Variants in SCN4B observed in about 807,000 individuals in gnomAD.
SCN4B encodes sodium voltage-gated channel beta subunit 4.
Under a neutral mutation model 19.6 loss-of-function variants are expected in SCN4B, and 20 were observed. That is an observed-to-expected ratio of 1.02 (90% confidence interval 0.72 to 1.48). SCN4B has a LOEUF of 1.48. SCN4B is among the 40% of genes most tolerant of loss of function. The pLI is 0.00. For missense variants in SCN4B, 271 were observed against 287.5 expected, an observed-to-expected ratio of 0.94 and a Z score of 0.42; for synonymous variants, 127 against 122.8, an observed-to-expected ratio of 1.03 and a Z score of -0.22.
intron 1 of SCN4B, among the ~76,000 whole-genome samples, chr11:118,151,892 C>G (rs772242077): frequency 6.6e-6 from 1 of 152,242 alleles, no homozygotes; most frequent in African/African-American, 2.4e-5. Context: ...CTTCTTCCTC[C>G]GTGTCCTCTG....
At chr11:118,144,730 C>T (rs1234101043) in intron 2 of SCN4B, among the ~76,000 whole-genome samples, 1 of 152,196 alleles carries the variant, frequency 6.6e-6, no homozygotes, top group East Asian at 1.9e-4. Context: ...TCTCTCCAAG[C>T]TTTCCAAGGC....
chr11:118,145,304 C>T, intron 1 of SCN4B, 75 bp from the exon 2 acceptor site: 1 of 1,602,618 alleles, frequency 6.2e-7, no homozygotes. Context: ...TTAGGCAGGG[C>T]GGAGTAGCTT....
rs1283178823 is a variant in SCN4B at position 118,137,045 on chromosome 11, T to A, written c.669A>T (p.Lys223Asn). ...GCAGGGCTCACACTTTTGAAGGTGG[T>A]TTCTCCTCTGCCTTGGAGCCAGGCA... ...NGLPGSKAEE[K>N]PPSKV Residue 223 changes from lysine to asparagine, a missense_variant, in exon 5 of 5, where the codon AAA (lysine) becomes AAT (asparagine). Coordinates refer to ENST00000324727, the MANE Select transcript of SCN4B (RefSeq NM_174934.4). 6.2e-7 allele frequency: 1 copy of A among 1,613,732 alleles called. No homozygotes were observed. The highest frequency in any genetic ancestry group is 1.1e-5 in the South Asian group (1 of 91,062).
chr11:118,143,291 G>A (rs1349275689), intron 3 of SCN4B, among the ~76,000 whole-genome samples: 1 of 152,160 alleles, frequency 6.6e-6, no homozygotes, highest in Non-Finnish European at 1.5e-5. Context: ...GCCCCCAGAG[G>A]ACAAGGGCCA....
intron 1 of SCN4B, among the ~76,000 whole-genome samples, chr11:118,152,167 T>C (rs1365187030): frequency 1.3e-5 from 2 of 151,654 alleles, no homozygotes; most frequent in African/African-American, 4.9e-5. Flanking sequence ...CCCCAACTGG[T>C]GCATGCCTGG....
rs1565458814 is a variant in SCN4B, at chr11:118,152,598, C to G, written c.61+15G>C. 1 of 1,610,874 alleles carries G rather than the reference C, an allele frequency of 6.2e-7. No homozygotes were observed. Among genetic ancestry groups the G allele is most frequent in the Non-Finnish European group, 8.5e-7 (1 of 1,177,736 alleles). ...GGGGGAGGCAAGAGAAGAGACCAAG[C>G]TGGGGCTGCCTTACCCAAAAGCCCA... On this transcript the variant is annotated intron_variant, in intron 1 of 4. Coordinates refer to ENST00000324727, the MANE Select transcript of SCN4B (RefSeq NM_174934.4).
At chr11:118,144,187 G>C in intron 2 of SCN4B, 126 bp from the exon 3 acceptor site, 1 of 697,906 alleles carries the variant, frequency 1.4e-6, no homozygotes, top group East Asian at 2.6e-5. Context: ...AGAGCCTGTA[G>C]TCACGCCCTG....
intron 4 of SCN4B, among the ~76,000 whole-genome samples, chr11:118,137,734 A>G (rs1002074579): frequency 4.6e-5 from 7 of 152,218 alleles, no homozygotes; most frequent in African/African-American, 1.7e-4. Context: ...TCAACATGGC[A>G]GGAAGCAAAG....
At chr11:118,149,347 A>G (rs995542392) in intron 1 of SCN4B, among the ~76,000 whole-genome samples, 2 of 152,294 alleles carry the variant, frequency 1.3e-5, no homozygotes, top group East Asian at 3.9e-4. Context: ...TGGCAAGTGG[A>G]CACACGGCTG....
At chr11:118,145,577 C>G (rs889420811) in intron 1 of SCN4B, 2 of 808,944 alleles carry the variant, frequency 2.5e-6, no homozygotes, top group East Asian at 1.2e-4. Context: ...CCTGGAAGCG[C>G]TCCTGCCGCA....
intron 4 of SCN4B, among the ~76,000 whole-genome samples, chr11:118,140,897 T>C (rs1397131771): frequency 6.6e-6 from 1 of 152,090 alleles, no homozygotes; most frequent in African/African-American, 2.4e-5. Context: ...AGGCTCTCGG[T>C]TGGGTGGTAC....
Position 118,135,191 on chromosome 11 carries a change from A to G in SCN4B, c.*1836T>C. ...CCCCAGCCCATGACAGGTTCTGGGT[A>G]GAGAAGAATGGGAGGCGCACAGGCA... On this transcript the variant is annotated 3_prime_UTR_variant, in exon 5 of 5. Coordinates refer to ENST00000324727, the MANE Select transcript of SCN4B (RefSeq NM_174934.4). 4.4e-6 allele frequency: 2 copies of G among 454,076 alleles called. No homozygotes were observed. Among genetic ancestry groups the G allele is most frequent in the Non-Finnish European group, 8.8e-6 (2 of 226,748 alleles). 28.1% of individuals were successfully genotyped at this position (454,076 alleles called of 1,614,324 possible). A position where few individuals can be genotyped will look rare whatever the true frequency, so the allele number is the denominator to read the frequency against.
Position 118,138,035 on chromosome 11 carries a change from C to T in SCN4B, c.594-915G>A, listed in dbSNP as rs1402303988. ...GATGGTGAGATGGGAAGACACCTCC[C>T]GGGAGGCGTTCCACCCTGACCGCTC... is the stretch of plus-strand genomic sequence containing the variant. On this transcript the variant is annotated intron_variant, in intron 4 of 4. Coordinates refer to ENST00000324727, the MANE Select transcript of SCN4B (RefSeq NM_174934.4). 8.5e-5 allele frequency among the ~76,000 whole-genome samples: 13 copies of T among 152,208 alleles called. No individual in the cohort carries two copies. The East Asian group carries it at 1.7e-3, about 20-fold the overall frequency.
intron 3 of SCN4B, chr11:118,142,686 T>C (rs1948113981): frequency 6.6e-6 from 1 of 152,292 alleles, no homozygotes; most frequent in Admixed American, 6.5e-5. Context: ...GTTGAACAGA[T>C]GGATGAATGA....
At position 118,148,720 on chromosome 11, in the gene SCN4B, G is replaced by A. The variant is rs150946700; in HGVS notation, c.62-3491C>T. Among the ~76,000 whole-genome samples, 185 of 152,310 alleles carry A rather than the reference G, an allele frequency of 1.2e-3. No homozygotes were observed. The highest frequency in any genetic ancestry group is 4.3e-3 in the African/African-American group (177 of 41,556). On this transcript the variant is annotated intron_variant, in intron 1 of 4. Coordinates refer to ENST00000324727, the MANE Select transcript of SCN4B (RefSeq NM_174934.4). The surrounding 1 kb of genome is among the most constrained non-coding windows in gnomAD (Gnocchi z 4.0). ...TAACCAGGGCACCCCTAGCTTCCCT[G>A]AATAACCAGTGTCAGCCAAGAATGT...
intron 3 of SCN4B, among the ~76,000 whole-genome samples, chr11:118,142,606 A>G (rs983380769): frequency 5.3e-5 from 8 of 152,138 alleles, no homozygotes; most frequent in African/African-American, 1.9e-4. Flanking sequence ...GAATTTGTCT[A>G]TCTTGTTCAT....
chr11:118,139,908 C>CTTTTTTT (rs1172256719), intron 4 of SCN4B, among the ~76,000 whole-genome samples: 1 of 60,534 alleles, frequency 1.7e-5, no homozygotes, highest in Non-Finnish European at 4.2e-5. Flanking sequence ...TTTCTTTTTT[C>CTTTTTTT]TTTTTTTTTT....
At chr11:118,138,919 C>A (rs1463392757) in intron 4 of SCN4B, among the ~76,000 whole-genome samples, 1 of 152,132 alleles carries the variant, frequency 6.6e-6, no homozygotes, top group Non-Finnish European at 1.5e-5. Context: ...AAGCCACTGT[C>A]TCTGCTGTAA....
chr11:118,141,695 AC>A (rs1187105222), intron 3 of SCN4B: 1 of 333,648 alleles, frequency 3.0e-6, no homozygotes, highest in Non-Finnish European at 5.7e-6. Flanking sequence ...CTCTTTCTAG[AC>A]CCCTTTGCTC....
Sources: allele counts gnomAD v4.1 joint callset (sites outside exome capture counted in the v4.1 genomes callset), GRCh38; gene constraint gnomAD v4.1.1; non-coding constraint Gnocchi (gnomAD v3.1); transcripts MANE v1.5; gene names NCBI Gene and HGNC (gene_info 2026-07-23, HGNC 2026-07-21).